The following KLF8 variants were observed in gnomAD, a reference collection of about 807,000 sequenced individuals.
The protein encoded by KLF8 is KLF transcription factor 8.
A neutral mutation model predicts 18.2 loss-of-function variants in KLF8; 10 were observed. The ratio of observed to expected loss-of-function variants is 0.55; its 90% confidence interval spans 0.34 to 0.93. The LOEUF (loss-of-function observed/expected upper bound fraction) is 0.93, where lower values mean the gene tolerates loss of function less well. Among genes scored for constraint, KLF8 ranks in the 40% least tolerant of loss-of-function variants. The pLI, the probability that KLF8 is intolerant of heterozygous loss-of-function variation, is 0.02. For missense variants in KLF8, 264 were observed against 277.9 expected, an observed-to-expected ratio of 0.95 and a Z score of 0.36; for synonymous variants, 109 against 97.3, an observed-to-expected ratio of 1.12 and a Z score of -0.71.
chrX:56,019,453 T>G, the KLF8 span, among the ~76,000 whole-genome samples: 1 of 112,608 alleles, frequency 8.9e-6, no homozygotes, highest in African/African-American at 3.2e-5. Context: ...TAAAGGTTAT[T>G]GGATTATCTT....
the KLF8 span, among the ~76,000 whole-genome samples, chrX:56,034,912 C>CCAT: frequency 9.4e-6 from 1 of 106,149 alleles, no homozygotes; most frequent in Non-Finnish European, 1.9e-5. Flanking sequence ...CCCGCTACCA[C>CCAT]GCCCGGCTAA....
chrX:56,171,789 T>C, the KLF8 span, among the ~76,000 whole-genome samples: 1 of 112,033 alleles, frequency 8.9e-6, no homozygotes, highest in South Asian at 3.7e-4. Flanking sequence ...ACATTTGGGT[T>C]GGCTACAAGT....
chrX:56,232,077 C>G (rs1484837368), upstream of KLF8, among the ~76,000 whole-genome samples: 2 of 111,679 alleles, frequency 1.8e-5, no homozygotes, highest in East Asian at 5.7e-4. Flanking sequence ...TCTCCTTTCC[C>G]TCTTAGACAG....
At chrX:55,926,411 G>A in the KLF8 span, among the ~76,000 whole-genome samples, 1 of 109,941 alleles carries the variant, frequency 9.1e-6, no homozygotes, top group Non-Finnish European at 1.9e-5. Flanking sequence ...TAATTATAAA[G>A]TACTCTCCAT....
At chrX:55,967,762 TAGAA>T in the KLF8 span, among the ~76,000 whole-genome samples, 2 of 111,413 alleles carry the variant, frequency 1.8e-5, no homozygotes, top group Non-Finnish European at 3.8e-5. Context: ...TTACCTTAAA[TAGAA>T]AGACAAACAG....
chrX:56,172,929 C>A, the KLF8 span, among the ~76,000 whole-genome samples: 39 of 112,000 alleles, frequency 3.5e-4, no homozygotes, highest in East Asian at 8.4e-4. Flanking sequence ...TGTCCATGTC[C>A]TTTGCCTGGT....
the KLF8 span, among the ~76,000 whole-genome samples, chrX:56,212,136 G>A: frequency 3.6e-5 from 4 of 111,532 alleles, no homozygotes; most frequent in Non-Finnish European, 5.7e-5. Context: ...GAATGGGGGT[G>A]TCACAACTCT....
At chrX:56,051,725 G>A in the KLF8 span, among the ~76,000 whole-genome samples, 38 of 108,092 alleles carry the variant, frequency 3.5e-4, no homozygotes, top group Admixed American at 3.3e-3. Context: ...TTCAACTTTG[G>A]TGAATCTGAC....
At chrX:56,242,516 G>A (rs1161640969) in intron 1 of KLF8, among the ~76,000 whole-genome samples, 1 of 111,798 alleles carries the variant, frequency 8.9e-6, no homozygotes. Context: ...AGTGGGGAGG[G>A]CTACACTGGT....
At chrX:56,025,063 A>G in the KLF8 span, among the ~76,000 whole-genome samples, 1 of 112,557 alleles carries the variant, frequency 8.9e-6, no homozygotes, top group African/African-American at 3.2e-5. Context: ...CTGGGTCCGT[A>G]GGGACTAATT....
chrX:56,091,906 G>T, the KLF8 span, among the ~76,000 whole-genome samples: 3 of 109,668 alleles, frequency 2.7e-5, no homozygotes, highest in African/African-American at 9.9e-5. Context: ...TTCCACAGAG[G>T]TTTTACTAAT....
the KLF8 span, among the ~76,000 whole-genome samples, chrX:56,190,599 C>G: frequency 9.0e-6 from 1 of 111,261 alleles, no homozygotes; most frequent in Non-Finnish European, 1.9e-5. Context: ...TCTTAAAACA[C>G]TCAAAAAATT....
chrX:55,954,036 G>C, the KLF8 span, among the ~76,000 whole-genome samples: 1 of 109,316 alleles, frequency 9.1e-6, no homozygotes, highest in African/African-American at 3.3e-5. Context: ...ATAGGAAAAC[G>C]TATTTGCAAA....
chrX:56,014,623 C>T, the KLF8 span, among the ~76,000 whole-genome samples: 4 of 111,317 alleles, frequency 3.6e-5, no homozygotes, highest in African/African-American at 1.3e-4. Flanking sequence ...AGTCCCATTA[C>T]TGTGTATATA....
At chrX:55,960,285 G>A in the KLF8 span, among the ~76,000 whole-genome samples, 2 of 112,100 alleles carry the variant, frequency 1.8e-5, no homozygotes, top group African/African-American at 6.5e-5. Context: ...GGGAGGCTGA[G>A]GTGGGTGGAT....
the KLF8 span, among the ~76,000 whole-genome samples, chrX:56,031,372 G>T: frequency 1.8e-5 from 2 of 112,137 alleles, no homozygotes; most frequent in Non-Finnish European, 3.8e-5. Flanking sequence ...CAGAACAAAA[G>T]TGCCGATACA....
At chrX:56,071,731 C>G in the KLF8 span, among the ~76,000 whole-genome samples, 1 of 111,752 alleles carries the variant, frequency 8.9e-6, no homozygotes, top group Non-Finnish European at 1.9e-5. Flanking sequence ...TCAATTGAAG[C>G]CCAACAACAG....
the KLF8 span, among the ~76,000 whole-genome samples, chrX:56,058,308 A>G: frequency 1.1e-4 from 9 of 78,926 alleles, 1 homozygote; most frequent in South Asian, 6.3e-3. Context: ...ATATATATAT[A>G]TATATATATA....
chrX:56,062,044 G>A, the KLF8 span, among the ~76,000 whole-genome samples: 1 of 89,157 alleles, frequency 1.1e-5, no homozygotes, highest in African/African-American at 5.5e-5. Context: ...TTTATTTTGA[G>A]CCTAGGTGTG....
Sources: allele counts gnomAD v4.1 joint callset (sites outside exome capture counted in the v4.1 genomes callset), GRCh38; gene constraint gnomAD v4.1.1; transcripts MANE v1.5; gene names NCBI Gene and HGNC (gene_info 2026-07-23, HGNC 2026-07-21).